The following DIPK1C variants were observed in gnomAD, a reference collection of about 807,000 sequenced individuals.
DIPK1C encodes familial non-conventional Alzheimer's dementia.
Under a neutral mutation model 28.0 loss-of-function variants are expected in DIPK1C, and 33 were observed. The ratio of observed to expected loss-of-function variants is 1.18; its 90% CI spans 0.89 to 1.58. The LOEUF (loss-of-function observed/expected upper bound fraction) is 1.58, where lower values mean the gene tolerates loss of function less well. Among genes scored for constraint, DIPK1C ranks in the 40% most tolerant of loss-of-function variants. DIPK1C has a pLI of 0.00. For missense variants in DIPK1C, 569 were observed against 568.5 expected, an observed-to-expected ratio of 1.00 and a Z score of -0.01; for synonymous variants, 255 against 248.8, an observed-to-expected ratio of 1.02 and a Z score of -0.23.
upstream of DIPK1C, among the ~76,000 whole-genome samples, chr18:74,462,095 A>G (rs1017148696): frequency 2.6e-5 from 4 of 152,216 alleles, no homozygotes; most frequent in Non-Finnish European, 4.4e-5. Context: ...TTATTGAGGT[A>G]TAATTTGTAT....
Position 74,436,653 on chromosome 18 carries a change from G to A in DIPK1C, c.1108C>T (p.Gln370Ter), listed in dbSNP as rs1986001909. The change falls in exon 4 of 4, where the codon CAG becomes TAG. Residue 370 changes from glutamine to a stop codon, truncating the protein, a stop_gained. Transcript: ENST00000343998. LOFTEE classifies it low-confidence loss of function (END_TRUNC). ...APLKSSAVSF[Q>*]LQLQLQEAVQ... is the part of the protein sequence containing the mutation. ...GCCTCCTGTAACTGCAGCTGAAGCT[G>A]GAAAGAGACCGCAGAGCTCTTGAGA... The A allele has an allele frequency of 6.2e-7, 1 of 1,613,926 alleles. No homozygotes were observed. Among genetic ancestry groups the A allele is most frequent in the South Asian group, 1.1e-5 (1 of 91,070 alleles).
Position 74,445,383 on chromosome 18 carries a change from G to A in DIPK1C, c.876+1223C>T, listed in dbSNP as rs375732853. Reference sequence around the variant, plus strand: ...TTCCTTGCCACACTTTGAGGCACCCGTAGGTTGTCAGCCCCTCCAGGGCAG... The same window carrying A: ...TTCCTTGCCACACTTTGAGGCACCCATAGGTTGTCAGCCCCTCCAGGGCAG... On this transcript the variant is annotated intron_variant, in intron 2 of 3. Coordinates refer to ENST00000343998, the MANE Select transcript of DIPK1C (RefSeq NM_001044369.3). Among the ~76,000 whole-genome samples the A allele has an allele frequency of 8.5e-5, 13 of 152,306 alleles. No individual in the cohort carries two copies. In the South Asian group the frequency reaches 1.2e-3, roughly 15 times the overall value.
At chr18:74,449,918 T>C (rs1360818665) in intron 1 of DIPK1C, among the ~76,000 whole-genome samples, 1 of 152,236 alleles carries the variant, frequency 6.6e-6, no homozygotes, top group African/African-American at 2.4e-5. Flanking sequence ...CACGGGGTCA[T>C]GAAAGGTGCA....
the DIPK1C span, among the ~76,000 whole-genome samples, chr18:74,463,392 G>A: frequency 6.6e-6 from 1 of 152,016 alleles, no homozygotes; most frequent in Admixed American, 6.5e-5. Context: ...TAACCCTCTG[G>A]GATTTCCTAA....
At position 74,446,695 on chromosome 18, in the gene DIPK1C, T is replaced by C. The variant is rs956807243; in HGVS notation, c.787A>G (p.Met263Val). ...ISDIALSFLDMVNHFDSDFSH... is the reference protein window; with the variant it reads ...ISDIALSFLDVVNHFDSDFSH... ...AAGTCACTGTCAAAATGGTTCACCA[T>C]GTCCAAGAAGCTGAGTGCGATGTCA... Residue 263 changes from methionine to valine, a missense_variant, in exon 2 of 4, where the codon ATG (methionine) becomes GTG (valine). Met to Val is a conservative substitution (Grantham distance 21). Coordinates refer to ENST00000343998, the MANE Select transcript of DIPK1C (RefSeq NM_001044369.3). 4.6e-6 allele frequency: 7 copies of C among 1,537,380 alleles called. No individual in the cohort carries two copies. The highest frequency in any genetic ancestry group is 3.5e-6 in the Non-Finnish European group (4 of 1,140,378).
chr18:74,447,266 G>T lies in DIPK1C; in HGVS notation c.216C>A (p.Gly72=), dbSNP rs542391883. Residue 72 remains glycine (G), a synonymous_variant, in exon 2 of 4, where the codon GGC becomes GGA. Transcript: ENST00000343998. The surrounding 1 kb of genome is among the most constrained non-coding windows in gnomAD (Gnocchi z 4.1). ...ILAALCQDYQ[G]GTLAGDLCED... ...CGCAGAGGTCCCCGGCCAGCGTGCC[G>T]CCCTGGTAGTCCTGGCACTGGAAGG... is the stretch of plus-strand genomic sequence containing the variant. The T allele has an allele frequency of 2.0e-6, 3 of 1,536,912 alleles. No individual in the cohort carries two copies. Among genetic ancestry groups the T allele is most frequent in the South Asian group, 2.4e-5 (2 of 82,518 alleles).
In DIPK1C at chr18:74,457,089, C is replaced by T; in HGVS notation, c.171G>A (p.Glu57=). The T allele has an allele frequency of 1.4e-6, 2 of 1,469,688 alleles. 1 individual carries two copies. Among genetic ancestry groups the T allele is most frequent in the Non-Finnish European group, 1.8e-6 (2 of 1,119,202 alleles). The allele number at this position is 1,469,688 out of a possible 1,614,324, so 91.0% of individuals were successfully genotyped here. The stretch of plus-strand genomic sequence containing the variant: ...GCGCGGCCAGGATGCGCCGGCTCTT[C>T]TCGTCGGTGCAGCGCTCGGAGAGGA... The part of the protein sequence containing the change: ...PGVLSERCTD[E]KSRRILAALC... Residue 57 remains glutamate, a synonymous_variant, in exon 1 of 4, where the codon GAG becomes GAA. Coordinates refer to ENST00000343998, the MANE Select transcript of DIPK1C (RefSeq NM_001044369.3).
At chr18:74,456,945 C>A in intron 1 of DIPK1C, 117 bp downstream of exon 1, 1 of 1,108,282 alleles carries the variant, frequency 9.0e-7, no homozygotes, top group Non-Finnish European at 1.2e-6. Flanking sequence ...GTCGGGAACC[C>A]ATGTCCCCGG....
chr18:74,441,124 G>T (rs896542298), intron 3 of DIPK1C, among the ~76,000 whole-genome samples: 3 of 152,184 alleles, frequency 2.0e-5, no homozygotes, highest in African/African-American at 4.8e-5. Flanking sequence ...CTGCGTTTTG[G>T]GTCTGCAGTG....
chr18:74,457,394 C>T, upstream of DIPK1C: 1 of 634,078 alleles, frequency 1.6e-6, no homozygotes, highest in Non-Finnish European at 2.0e-6. Flanking sequence ...TTGGGGCAGG[C>T]CCCGCGCCTG....
chr18:74,435,864 C>T lies in DIPK1C; in HGVS notation c.*637G>A, dbSNP rs1326822071. ...CTAACCCACATCCCCAACACACTCACCTGCCCACACTCACACAATCACATA... is the reference window on the plus strand; with the variant it reads ...CTAACCCACATCCCCAACACACTCATCTGCCCACACTCACACAATCACATA... On this transcript the variant is annotated 3_prime_UTR_variant, in exon 4 of 4. Transcript: ENST00000343998. 6.6e-6 allele frequency: 1 copy of T among 152,646 alleles called. No homozygotes were observed. Among genetic ancestry groups the T allele is most frequent in the African/African-American group, 2.4e-5 (1 of 41,450 alleles). 9.5% of individuals were successfully genotyped at this position (152,646 alleles called of 1,614,324 possible).
At chr18:74,455,884 G>A (rs968727753) in intron 1 of DIPK1C, among the ~76,000 whole-genome samples, 1 of 152,162 alleles carries the variant, frequency 6.6e-6, no homozygotes, top group African/African-American at 2.4e-5. Flanking sequence ...GAATCAATTA[G>A]GAGCATAACT....
In DIPK1C at chr18:74,445,382, C is replaced by T. The variant is rs544374909; in HGVS notation, c.876+1224G>A. Among the ~76,000 whole-genome samples, 19 of 152,304 alleles carry T rather than the reference C, an allele frequency of 1.2e-4. No homozygotes were observed. In the South Asian group the frequency reaches 3.9e-3, roughly 32 times the overall value. On this transcript the variant is annotated intron_variant, in intron 2 of 3. Coordinates refer to ENST00000343998, the MANE Select transcript of DIPK1C (RefSeq NM_001044369.3). ...TTTCCTTGCCACACTTTGAGGCACC[C>T]GTAGGTTGTCAGCCCCTCCAGGGCA...
At chr18:74,445,172 G>T (rs1281212140) in intron 2 of DIPK1C, among the ~76,000 whole-genome samples, 1 of 152,162 alleles carries the variant, frequency 6.6e-6, no homozygotes, top group East Asian at 1.9e-4. Flanking sequence ...GTTGTACGTG[G>T]ACACTCCCTG....
chr18:74,461,617 C>T (rs79335853), upstream of DIPK1C, among the ~76,000 whole-genome samples: 516 of 152,134 alleles, frequency 3.4e-3, 17 homozygotes, highest in East Asian at 0.06. Flanking sequence ...AATCCTCCTG[C>T]CTCTGCCTCC....
intron 1 of DIPK1C, among the ~76,000 whole-genome samples, chr18:74,450,832 A>G (rs1295123099): frequency 4.6e-5 from 7 of 152,248 alleles, no homozygotes; most frequent in Admixed American, 4.6e-4. Context: ...ATGACATTAG[A>G]GTGACAGGGC....
rs866724452 is a variant in DIPK1C at position 74,457,118 on chromosome 18, C to T, written c.142G>A (p.Gly48Ser). The change falls in exon 1 of 4, where the codon GGT (glycine) becomes AGT (serine). Residue 48 changes from glycine to serine, a missense_variant. By Grantham distance (56) the Gly-to-Ser change is moderately conservative. Transcript: ENST00000343998. Reference protein sequence around the residue: ...AAALLLRAHPGVLSERCTDEK... With the variant: ...AAALLLRAHPSVLSERCTDEK... ...TCGGTGCAGCGCTCGGAGAGGACACCCGGGTGCGCGCGGAGCAGCAGCGCG... is the reference window on the plus strand; with the variant it reads ...TCGGTGCAGCGCTCGGAGAGGACACTCGGGTGCGCGCGGAGCAGCAGCGCG... The T allele has an allele frequency of 6.8e-7, 1 of 1,464,224 alleles. No individual in the cohort carries two copies. Among genetic ancestry groups the T allele is most frequent in the Non-Finnish European group, 9.0e-7 (1 of 1,116,346 alleles). The allele number at this position is 1,464,224 out of a possible 1,614,324, so 90.7% of individuals were successfully genotyped here.
chr18:74,437,676 A>G (rs1233994190), intron 3 of DIPK1C, among the ~76,000 whole-genome samples: 1 of 152,174 alleles, frequency 6.6e-6, no homozygotes, highest in Non-Finnish European at 1.5e-5. Flanking sequence ...TTTTTAAAAT[A>G]GAGAATACAT....
chr18:74,437,271 GAAA>G (rs1986019094), intron 3 of DIPK1C, among the ~76,000 whole-genome samples: 1 of 152,236 alleles, frequency 6.6e-6, no homozygotes, highest in Non-Finnish European at 1.5e-5. Context: ...TAAGGCTCAT[GAAA>G]CAAAGGCATA....
Sources: gnomAD v4.1 joint callset for allele counts (sites outside exome capture counted in the v4.1 genomes callset) on GRCh38, gnomAD v4.1.1 for gene constraint, Gnocchi (gnomAD v3.1) non-coding constraint, MANE v1.5 for transcripts, NCBI Gene and HGNC (gene_info 2026-07-23, HGNC 2026-07-21) for gene names.